The following SMC4 variants were observed in gnomAD, a reference collection of about 807,000 sequenced individuals.
SMC4 encodes the protein structural maintenance of chromosomes 4.
SMC4 carries 87 observed loss-of-function variants against 145.6 expected under a neutral mutation model. That is an observed-to-expected ratio of 0.60 (90% CI 0.50 to 0.71). SMC4 has a LOEUF of 0.71. Ranked by LOEUF, SMC4 falls within the 30% of genes least tolerant of loss-of-function variation. SMC4 has a pLI of 0.00. For missense variants in SMC4, 1,447 were observed against 1,537.1 expected (o/e 0.94, Z 0.98); for synonymous variants, 558 against 500.7 (o/e 1.11, Z -1.53).
At position 160,417,982 on chromosome 3, in the gene SMC4, C is replaced by A. The variant is rs1235481220; in HGVS notation, c.1671+26C>A. 1.9e-6 allele frequency: 3 copies of A among 1,558,754 alleles called. No homozygotes were observed. The East Asian group carries it at 6.8e-5, about 36-fold the overall frequency. On this transcript the variant is annotated intron_variant, in intron 11 of 23. Transcript: ENST00000357388. ...GTAAATCTTTGCTTCTCTGTTGCAT[C>A]AGAACATCATTCGTCCACTTCAGCT...
In SMC4 at chr3:160,416,352, A is replaced by T; in HGVS notation, c.1374A>T (p.Lys458Asn). Residue 458 changes from lysine (K) to asparagine (N), a missense_variant, in exon 10 of 24, where the codon AAA becomes AAT. Transcript: ENST00000357388. Reference protein sequence around the residue: ...ALEKEKEKEEKKLKEVMDSLK... With the variant: ...ALEKEKEKEENKLKEVMDSLK... The stretch of plus-strand genomic sequence containing the variant: ...AGAAGGAAAAAGAGAAAGAAGAAAA[A>T]AAATTAAAGGAAGTTATGGATAGCC... 1.9e-6 allele frequency: 3 copies of T among 1,605,214 alleles called. No homozygotes were observed. The highest frequency in any genetic ancestry group is 2.6e-6 in the Non-Finnish European group (3 of 1,175,754).
Position 160,433,112 on chromosome 3 carries a change from C to G in SMC4, c.3617C>G (p.Ala1206Gly). ...KTLSSLALVF[A>G]LHHYKPTPLY... ...CTTAGTTCATTGGCTTTAGTATTTG[C>G]TCTTCACCACTACAAGCCCACTCCC... Residue 1206 changes from alanine (A) to glycine (G), a missense_variant, in exon 23 of 24, where the codon GCT becomes GGT. Transcript: ENST00000357388. 6.2e-7 allele frequency: 1 copy of G among 1,613,092 alleles called. No homozygotes were observed. Among genetic ancestry groups the G allele is most frequent in the Non-Finnish European group, 8.5e-7 (1 of 1,179,154 alleles).
At chr3:160,433,273 G>T in intron 23 of SMC4, 64 bp downstream of exon 23, 1 of 1,115,984 alleles carries the variant, frequency 9.0e-7, no homozygotes, top group Non-Finnish European at 1.3e-6. Context: ...CATTACACAT[G>T]GAATTCTTTA....
chr3:160,419,581 T>C (rs749023198), intron 12 of SMC4, 38 bp downstream of exon 12: 4 of 1,554,766 alleles, frequency 2.6e-6, no homozygotes, highest in East Asian at 2.3e-5. Context: ...TTTACTTTTT[T>C]TTTTTAAGAA....
chr3:160,411,863 TAA>T (rs1716023453), intron 5 of SMC4, 55 bp from the exon 6 acceptor site: 2 of 1,465,886 alleles, frequency 1.4e-6, no homozygotes, highest in East Asian at 4.6e-5. Flanking sequence ...AATTCTCACT[TAA>T]GATTGATTTA....
rs775520927 is a variant in SMC4 at position 160,412,469 on chromosome 3, G to GAT, written c.980+19_980+20dup. ...AATATTATATGTAAGTGCCTTGATT[G>GAT]ATATTACCAATTTTTATATTAGTTT... On this transcript the variant is annotated intron_variant, in intron 7 of 23. Transcript: ENST00000357388. The GAT allele has an allele frequency of 6.3e-7, 1 of 1,582,636 alleles. No individual in the cohort carries two copies. The highest frequency in any genetic ancestry group is 1.2e-5 in the South Asian group (1 of 85,816).
rs1455451321 is a variant in SMC4, at chr3:160,430,710, A to G, written c.2907A>G (p.Ala969=). The G allele has an allele frequency of 1.9e-6, 3 of 1,613,218 alleles. No individual in the cohort carries two copies. The highest frequency in any genetic ancestry group is 1.7e-5 in the Admixed American group (1 of 59,776). ...TAELKSLEDK[A]AEVVKNTNAA... is the part of the protein sequence containing the mutation. ...AGCTGAAAAGTCTTGAGGACAAAGC[A>G]GCAGAGGTCGTAAAGAATACAAATG... The change falls in exon 19 of 24, where the codon GCA becomes GCG. Residue 969 remains alanine, a synonymous_variant. Transcript: ENST00000357388.
chr3:160,416,112 T>A (rs1172087618), intron 9 of SMC4, 139 bp from the exon 10 acceptor site: 1 of 478,506 alleles, frequency 2.1e-6, no homozygotes, highest in Non-Finnish European at 3.6e-6. Context: ...AAATACTTGT[T>A]AAAGCTAGCT....
chr3:160,400,628 G>T (rs1015820094), intron 1 of SMC4, 194 bp from the exon 2 acceptor site: 1 of 588,326 alleles, frequency 1.7e-6, no homozygotes, highest in Non-Finnish European at 2.7e-6. Context: ...ACTTACATAG[G>T]TCTTGTTAAG....
At chr3:160,409,552 C>T (rs1715752948) in intron 5 of SMC4, among the ~76,000 whole-genome samples, 1 of 152,084 alleles carries the variant, frequency 6.6e-6, no homozygotes, top group Non-Finnish European at 1.5e-5. Context: ...ATATTTTTGT[C>T]AGCGTAAACT....
intron 5 of SMC4, 78 bp from the exon 6 acceptor site, chr3:160,411,839 ATTT>A: frequency 8.5e-7 from 1 of 1,183,224 alleles, no homozygotes. Flanking sequence ...TGGCTTTATT[ATTT>A]AACTGCTCCC....
At chr3:160,423,882 T>G (rs764748527) in intron 15 of SMC4, 42 bp downstream of exon 15, 1 of 1,417,038 alleles carries the variant, frequency 7.1e-7, no homozygotes, top group African/African-American at 1.4e-5. Flanking sequence ...TTTTTTTTTT[T>G]AAATAGCTTT....
At chr3:160,427,792 T>G (rs543015177) in intron 17 of SMC4, among the ~76,000 whole-genome samples, 1 of 152,280 alleles carries the variant, frequency 6.6e-6, no homozygotes, top group East Asian at 1.9e-4. Flanking sequence ...CATTTTATAT[T>G]TAAGATAAAT....
rs906302490 is a variant in SMC4 at position 160,432,465 on chromosome 3, A to C, written c.3480A>C (p.Glu1160Asp). ...YQMLTLGGDA[E>D]LELVDSLDPF... ...TGCTTACTTTGGGAGGGGACGCCGA[A>C]CTCGAGCTTGTAGACAGCTTGGATC... The change falls in exon 22 of 24, where the codon GAA becomes GAC. Residue 1160 changes from glutamate (E) to aspartate (D), a missense_variant. By Grantham distance (45) the Glu-to-Asp change is conservative. Transcript: ENST00000357388. 1.9e-6 allele frequency: 3 copies of C among 1,612,950 alleles called. No homozygotes were observed. In the African/African-American group the frequency reaches 4.0e-5, roughly 22 times the overall value.
intron 5 of SMC4, among the ~76,000 whole-genome samples, chr3:160,409,746 G>A (rs1226565677): frequency 6.6e-6 from 1 of 152,140 alleles, no homozygotes; most frequent in Non-Finnish European, 1.5e-5. Context: ...TTATTTGGAT[G>A]ATAAACACTA....
chr3:160,432,266 T>C lies in SMC4; in HGVS notation c.3298-17T>C. The C allele has an allele frequency of 6.7e-7, 1 of 1,495,124 alleles. No individual in the cohort carries two copies. The highest frequency in any genetic ancestry group is 1.4e-5 in the African/African-American group (1 of 71,478). The allele number at this position is 1,495,124 out of a possible 1,614,324, so 92.6% of individuals were successfully genotyped here. ...AATTTATCTGAATAGATTTTCCCTA[T>C]CATAATCTTTTCACAGGAAGAATTG... On this transcript the variant is annotated splice_polypyrimidine_tract_variant and intron_variant, in intron 21 of 23. Coordinates refer to ENST00000357388, the MANE Select transcript of SMC4 (RefSeq NM_001002800.3).
chr3:160,413,985 T>C (rs1403896595), intron 8 of SMC4: 1 of 317,244 alleles, frequency 3.2e-6, no homozygotes, highest in Non-Finnish European at 5.9e-6. Context: ...CATTTTTCAA[T>C]GACACTAGTA....
chr3:160,424,824 T>A (rs1477984237), intron 15 of SMC4, 43 bp from the exon 16 acceptor site: 1 of 1,608,360 alleles, frequency 6.2e-7, no homozygotes, highest in South Asian at 1.1e-5. Flanking sequence ...AGTTGACTTT[T>A]CTGTCAATCT....
At chr3:160,430,472 ATAAACT>A (rs1718277898) in intron 18 of SMC4, 121 bp from the exon 19 acceptor site, 1 of 874,742 alleles carries the variant, frequency 1.1e-6, no homozygotes, top group Non-Finnish European at 1.7e-6. Context: ...TTAGTAAATC[ATAAACT>A]TAAAAATATA....
Sources: gnomAD v4.1 joint callset for allele counts (sites outside exome capture counted in the v4.1 genomes callset) on GRCh38, gnomAD v4.1.1 for gene constraint, MANE v1.5 for transcripts, NCBI Gene and HGNC (gene_info 2026-07-23, HGNC 2026-07-21) for gene names.